The following UBOX5 variants were observed in gnomAD, a reference collection of about 807,000 sequenced individuals.
UBOX5 encodes the protein RING finger protein 37.
In UBOX5, 28 loss-of-function variants were observed where a neutral mutation model predicts 39.0. The observed-to-expected ratio is 0.72, with a 90% CI of 0.53 to 0.98. The LOEUF (loss-of-function observed/expected upper bound fraction) is 0.98. UBOX5 is among the 50% of genes least tolerant of loss of function. The pLI is 0.00. For missense variants in UBOX5, 585 were observed against 674.4 expected (o/e 0.87, Z 1.47); for synonymous variants, 283 against 275.5 (o/e 1.03, Z -0.27).
chr20:3,121,323 G>C (rs574434924), intron 3 of UBOX5, 61 bp downstream of exon 3: 1 of 1,554,462 alleles, frequency 6.4e-7, no homozygotes, highest in East Asian at 2.2e-5. Context: ...GGGCAGCAGA[G>C]CTGAGAGCTC....
chr20:3,142,437 C>T (rs779759606), intron 1 of UBOX5, among the ~76,000 whole-genome samples: 8 of 151,842 alleles, frequency 5.3e-5, no homozygotes, highest in Non-Finnish European at 1.2e-4. Context: ...ACTGTCTCTA[C>T]TAAAAATACA....
chr20:3,121,141 G>A (rs535840034), intron 3 of UBOX5, among the ~76,000 whole-genome samples: 18 of 152,316 alleles, frequency 1.2e-4, no homozygotes, highest in South Asian at 4.1e-4. Flanking sequence ...AGCGAAACAC[G>A]CAGACTGAAG....
At chr20:3,142,093 AG>A (rs2066521584) in intron 1 of UBOX5, among the ~76,000 whole-genome samples, 1 of 149,028 alleles carries the variant, frequency 6.7e-6, no homozygotes, top group Non-Finnish European at 1.5e-5. Flanking sequence ...CAGGAGGTCG[AG>A]GCTGCGGTGA....
chr20:3,124,255 C>G (rs1279925000), intron 1 of UBOX5, among the ~76,000 whole-genome samples: 1 of 152,166 alleles, frequency 6.6e-6, no homozygotes, highest in Non-Finnish European at 1.5e-5. Flanking sequence ...CGGTCTCCCT[C>G]TGTTGCCGAG....
intron 1 of UBOX5, among the ~76,000 whole-genome samples, chr20:3,139,872 G>A (rs906489558): frequency 2.6e-5 from 4 of 151,914 alleles, no homozygotes; most frequent in African/African-American, 7.3e-5. Flanking sequence ...ACCACACCCA[G>A]CTAATTTTTT....
intron 1 of UBOX5, among the ~76,000 whole-genome samples, chr20:3,126,333 AC>A (rs1472086050): frequency 6.6e-6 from 1 of 151,748 alleles, no homozygotes; most frequent in Non-Finnish European, 1.5e-5. Flanking sequence ...AGTCATCACC[AC>A]TCCCTAATCT....
At position 3,109,323 on chromosome 20, in the gene UBOX5, C is replaced by T. The variant is rs6051581; in HGVS notation, c.*783G>A. ...TGCATGAGGAAACGCTGCGCTCCCC[C>T]TCAGGGAGCAGTTTCTGAAGCCAGC... On this transcript the variant is annotated 3_prime_UTR_variant, in exon 5 of 5. Coordinates refer to ENST00000217173, the MANE Select transcript of UBOX5 (RefSeq NM_014948.4). 4 of 152,304 alleles carry T rather than the reference C, an allele frequency of 2.6e-5. No individual in the cohort carries two copies. Among genetic ancestry groups the T allele is most frequent in the Non-Finnish European group, 4.4e-5 (3 of 68,036 alleles). The allele number at this position is 152,304 out of a possible 1,614,324, so 9.4% of individuals were successfully genotyped here.
intron 1 of UBOX5, among the ~76,000 whole-genome samples, chr20:3,129,228 C>T (rs1224131941): frequency 1.3e-5 from 2 of 152,178 alleles, no homozygotes; most frequent in South Asian, 2.1e-4. Context: ...AGTCCAGCCC[C>T]GTTACATGCT....
intron 1 of UBOX5, among the ~76,000 whole-genome samples, chr20:3,127,722 G>A (rs557593805): frequency 2.5e-4 from 38 of 152,192 alleles, no homozygotes; most frequent in Non-Finnish European, 3.5e-4. Context: ...ATTTATACAC[G>A]AGAATAAATT....
intron 1 of UBOX5, among the ~76,000 whole-genome samples, chr20:3,127,036 CAAAAAAAAAA>C (rs10579307): frequency 3.0e-5 from 2 of 66,156 alleles, no homozygotes; most frequent in African/African-American, 1.2e-4. Context: ...AACTCCGTCT[CAAAAAAAAAA>C]AAAAAAAAAA....
chr20:3,114,699 C>T (rs942635609), intron 4 of UBOX5, among the ~76,000 whole-genome samples: 8 of 152,184 alleles, frequency 5.3e-5, no homozygotes, highest in African/African-American at 1.7e-4. Context: ...CCTGTAATCT[C>T]AGCGCTTTGC....
intron 2 of UBOX5, 103 bp from the exon 3 acceptor site, chr20:3,122,687 C>A: frequency 7.1e-7 from 1 of 1,413,146 alleles, no homozygotes; most frequent in Admixed American, 2.7e-5. Flanking sequence ...AAAATTTCCT[C>A]TATTAAACTG....
In UBOX5 at chr20:3,111,157, C is replaced by T. The variant is rs191371393; in HGVS notation, c.1418-843G>A. Among the ~76,000 whole-genome samples, 141 of 152,356 alleles carry T rather than the reference C, an allele frequency of 9.3e-4. 2 individuals are homozygous for T. Among genetic ancestry groups the T allele is most frequent in the Admixed American group, 5.9e-4 (9 of 15,306 alleles). ...GCCATGCCCCACCAGGCTGCACCCA[C>T]GGCTCTTCCTTTCCTCATGGCCCCT... On this transcript the variant is annotated intron_variant, in intron 4 of 4. Coordinates refer to ENST00000217173, the MANE Select transcript of UBOX5 (RefSeq NM_014948.4).
intron 1 of UBOX5, among the ~76,000 whole-genome samples, chr20:3,156,321 T>A (rs1279422724): frequency 6.6e-6 from 1 of 151,864 alleles, no homozygotes; most frequent in Admixed American, 6.6e-5. Context: ...GACTAAAGGC[T>A]CACGCCAACA....
intron 1 of UBOX5, among the ~76,000 whole-genome samples, chr20:3,134,238 T>G (rs1479685285): frequency 4.6e-5 from 7 of 152,196 alleles, no homozygotes; most frequent in Admixed American, 4.6e-4. Context: ...TTGAAATGTT[T>G]ACATTTGGTG....
At chr20:3,148,015 A>C (rs2066585965) in intron 1 of UBOX5, 1 of 1,614,190 alleles carries the variant, frequency 6.2e-7, no homozygotes, top group African/African-American at 1.3e-5. Context: ...AGGAGCGACT[A>C]CTCAGATGCT....
intron 1 of UBOX5, among the ~76,000 whole-genome samples, chr20:3,140,968 G>C (rs540582109): frequency 1.5e-5 from 2 of 134,216 alleles, no homozygotes; most frequent in East Asian, 4.5e-4. Flanking sequence ...ACCCAGGCTT[G>C]AGTGCAGTGG....
chr20:3,138,274 CAAAA>C (rs60424679), intron 1 of UBOX5, among the ~76,000 whole-genome samples: 1 of 106,014 alleles, frequency 9.4e-6, no homozygotes, highest in Non-Finnish European at 2.0e-5. Context: ...GAGACTGTCT[CAAAA>C]AAAAAAAAAA....
At chr20:3,130,934 A>T (rs767812949) in intron 1 of UBOX5, among the ~76,000 whole-genome samples, 1 of 152,172 alleles carries the variant, frequency 6.6e-6, no homozygotes. Context: ...TGTGCCCATT[A>T]GAAAATGCCT....
Sources: allele counts gnomAD v4.1 joint callset (sites outside exome capture counted in the v4.1 genomes callset), GRCh38; gene constraint gnomAD v4.1.1; transcripts MANE v1.5; gene names NCBI Gene and HGNC (gene_info 2026-07-23, HGNC 2026-07-21).